CBFA2T2: variants seen among roughly 807,000 people sequenced by gnomAD.
The protein encoded by CBFA2T2 is protein CBFA2T2.
Under a neutral mutation model 62.2 loss-of-function variants are expected in CBFA2T2, and 11 were observed. The ratio of observed to expected loss-of-function variants is 0.18; its 90% CI spans 0.11 to 0.29. CBFA2T2 has a LOEUF of 0.29. CBFA2T2 is among the 10% of genes least tolerant of loss of function. The probability of loss-of-function intolerance (pLI) is 1.00; values close to 1 mark genes in which losing one functional copy is unlikely to be tolerated. For synonymous variants in CBFA2T2, 295 were observed against 287.5 expected, an observed-to-expected ratio of 1.03 and a Z score of -0.27; for missense variants, 592 against 774.1, an observed-to-expected ratio of 0.76 and a Z score of 2.79.
At chr20:33,553,870 T>C (rs1027850010) in intron 1 of CBFA2T2, among the ~76,000 whole-genome samples, 7 of 152,156 alleles carry the variant, frequency 4.6e-5, no homozygotes, top group Non-Finnish European at 1.0e-4. Flanking sequence ...AAGTCTGATC[T>C]TAAAGTAATG....
chr20:33,526,798 T>C (rs1430442317), intron 1 of CBFA2T2, among the ~76,000 whole-genome samples: 1 of 152,198 alleles, frequency 6.6e-6, no homozygotes, highest in East Asian at 1.9e-4. Flanking sequence ...CCATGTGTTC[T>C]ATGAAGACAA....
At chr20:33,599,264 GA>G (rs1411698158) in intron 1 of CBFA2T2, among the ~76,000 whole-genome samples, 9 of 147,918 alleles carry the variant, frequency 6.1e-5, no homozygotes, top group East Asian at 3.9e-4. Context: ...TGTCTCAAGA[GA>G]AAAAAAAAAC....
intron 1 of CBFA2T2, among the ~76,000 whole-genome samples, chr20:33,564,597 G>A (rs1340971876): frequency 1.3e-5 from 2 of 150,952 alleles, no homozygotes; most frequent in African/African-American, 4.9e-5. Context: ...TTTTTTTTGG[G>A]ACATGGTCTC....
chr20:33,607,088 C>T lies in CBFA2T2; in HGVS notation c.167C>T (p.Thr56Ile). ...NPGGPRPVSF[T>I]PTALSNGINH... Reference sequence around the variant, plus strand: ...GGAGGACCGAGGCCAGTGTCCTTCACTCCTACTGCATGTGAGACCTCTTAG... The same window carrying T: ...GGAGGACCGAGGCCAGTGTCCTTCATTCCTACTGCATGTGAGACCTCTTAG... The change falls in exon 2 of 11, where the codon ACT (threonine) becomes ATT (isoleucine). Residue 56 changes from threonine to isoleucine, a missense_variant. This residue lies in a region of CBFA2T2 where 449 missense variants were observed against 551.2 expected (regional missense o/e 0.81). Transcript: ENST00000342704. The T allele has an allele frequency of 1.2e-6, 2 of 1,613,826 alleles. No homozygotes were observed. Among genetic ancestry groups the T allele is most frequent in the Admixed American group, 1.7e-5 (1 of 59,978 alleles).
intron 1 of CBFA2T2, among the ~76,000 whole-genome samples, chr20:33,553,120 C>CTATT (rs2012783923): frequency 1.3e-5 from 2 of 152,218 alleles, no homozygotes; most frequent in Non-Finnish European, 1.5e-5. Flanking sequence ...AGAGCAGAGA[C>CTATT]TATTTTTCTT....
At chr20:33,613,116 C>A (rs1915385722) in intron 3 of CBFA2T2, among the ~76,000 whole-genome samples, 2 of 152,204 alleles carry the variant, frequency 1.3e-5, no homozygotes, top group African/African-American at 4.8e-5. Context: ...ATGAAAGGAA[C>A]AACTTTCATA....
chr20:33,490,265 G>T lies in CBFA2T2; in HGVS notation c.-3G>T, dbSNP rs771341089. 28 of 1,247,478 alleles carry T rather than the reference G, an allele frequency of 2.2e-5. No individual in the cohort carries two copies. Among genetic ancestry groups the T allele is most frequent in the Non-Finnish European group, 2.8e-5 (28 of 996,906 alleles). The allele number at this position is 1,247,478 out of a possible 1,614,324, so 77.3% of individuals were successfully genotyped here. ...GGGCGGCGCGCGGCGGCGGCGCTCGGCGATGGTAGGCGTCCCTGGAGCGGC... is the reference window on the plus strand; with the variant it reads ...GGGCGGCGCGCGGCGGCGGCGCTCGTCGATGGTAGGCGTCCCTGGAGCGGC... On this transcript the variant is annotated 5_prime_UTR_variant, in exon 1 of 11. Transcript: ENST00000342704.
At position 33,567,668 on chromosome 20, in the gene CBFA2T2, C is replaced by T. The variant is rs111412656; in HGVS notation, c.35-39288C>T. On this transcript the variant is annotated intron_variant, in intron 1 of 10. Transcript: ENST00000342704. ...CGTGATCTCGGCTCACTGCAACCTC[C>T]GCCTCTCAGGTTCAAGCAATTCTCC... Among the ~76,000 whole-genome samples, 458 of 151,926 alleles carry T rather than the reference C, an allele frequency of 3.0e-3. 1 individual carries two copies. The highest frequency in any genetic ancestry group is 0.017 in the Middle Eastern group (5 of 294).
chr20:33,551,590 G>A (rs1024421884), intron 1 of CBFA2T2, among the ~76,000 whole-genome samples: 3 of 152,038 alleles, frequency 2.0e-5, no homozygotes, highest in Non-Finnish European at 4.4e-5. Context: ...GAGTGCAGTG[G>A]TGTGATCTCA....
intron 1 of CBFA2T2, among the ~76,000 whole-genome samples, chr20:33,556,705 CATT>C (rs2012905408): frequency 6.6e-6 from 1 of 151,948 alleles, no homozygotes; most frequent in South Asian, 2.1e-4. Context: ...AGAGTGCTGA[CATT>C]ATAAGCATGA....
chr20:33,594,060 G>A (rs1220883327), intron 1 of CBFA2T2, among the ~76,000 whole-genome samples: 2 of 152,188 alleles, frequency 1.3e-5, no homozygotes, highest in South Asian at 4.1e-4. Flanking sequence ...GTGATGAATG[G>A]ACTGAAGGGG....
intron 1 of CBFA2T2, among the ~76,000 whole-genome samples, chr20:33,580,576 G>A (rs982969152): frequency 6.6e-6 from 1 of 152,194 alleles, no homozygotes; most frequent in Non-Finnish European, 1.5e-5. Context: ...TAGGGGCCAG[G>A]CACGGTGGTT....
At chr20:33,551,417 T>A (rs1024780462) in intron 1 of CBFA2T2, among the ~76,000 whole-genome samples, 1 of 152,018 alleles carries the variant, frequency 6.6e-6, no homozygotes, top group Non-Finnish European at 1.5e-5. Context: ...GGTTTCTCCA[T>A]GTTAGTCAGG....
intron 2 of CBFA2T2, among the ~76,000 whole-genome samples, chr20:33,608,684 A>G (rs1338919138): frequency 2.0e-5 from 3 of 152,224 alleles, no homozygotes; most frequent in Admixed American, 2.0e-4. Flanking sequence ...CAATAGGTAT[A>G]TGTATATACA....
chr20:33,566,804 A>G (rs2013336904), intron 1 of CBFA2T2, among the ~76,000 whole-genome samples: 2 of 152,338 alleles, frequency 1.3e-5, no homozygotes, highest in South Asian at 4.1e-4. Context: ...AAACTTTATT[A>G]AATGCATAAT....
chr20:33,643,718 C>T (rs954738407), intron 10 of CBFA2T2, among the ~76,000 whole-genome samples: 6 of 108,512 alleles, frequency 5.5e-5, no homozygotes, highest in Non-Finnish European at 7.8e-5. Flanking sequence ...GGAGTTCAAG[C>T]GTAGCCTGGC....
At chr20:33,497,997 G>C (rs973013886) in intron 1 of CBFA2T2, among the ~76,000 whole-genome samples, 1 of 152,048 alleles carries the variant, frequency 6.6e-6, no homozygotes, top group African/African-American at 2.4e-5. Flanking sequence ...TTTGACTTTT[G>C]AGTAAGTTTA....
At chr20:33,588,238 T>A (rs1163091590) in intron 1 of CBFA2T2, among the ~76,000 whole-genome samples, 1 of 152,098 alleles carries the variant, frequency 6.6e-6, no homozygotes, top group East Asian at 1.9e-4. Flanking sequence ...TATTTTAAAG[T>A]ATTGTTAGTC....
At chr20:33,589,990 C>T (rs903330549) in intron 1 of CBFA2T2, among the ~76,000 whole-genome samples, 21 of 152,034 alleles carry the variant, frequency 1.4e-4, no homozygotes, top group Middle Eastern at 3.4e-3. Context: ...TGGTGGCTCA[C>T]GCCTGTAATC....
Sources: gnomAD v4.1 joint callset for allele counts (sites outside exome capture counted in the v4.1 genomes callset) on GRCh38, gnomAD v4.1.1 for gene constraint, gnomAD v4.1.1 regional missense constraint, MANE v1.5 for transcripts, NCBI Gene and HGNC (gene_info 2026-07-23, HGNC 2026-07-21) for gene names.